Variants in LRRK2 observed in about 807,000 individuals in gnomAD.
LRRK2 encodes the protein leucine-rich repeat serine/threonine-protein kinase 2.
In LRRK2, 203 loss-of-function variants were observed where a neutral mutation model predicts 302.6. The ratio of observed to expected loss-of-function variants is 0.67; its 90% CI spans 0.60 to 0.75. LRRK2 has a LOEUF of 0.75. LRRK2 is among the 30% of genes least tolerant of loss of function. The pLI is 0.00. For synonymous variants in LRRK2, 1,066 were observed against 1,031.9 expected (o/e 1.03, Z -0.63); for missense variants, 2,830 against 2,951.0 (o/e 0.96, Z 0.95).
At chr12:40,292,895 T>C (rs1282607144) in intron 20 of LRRK2, among the ~76,000 whole-genome samples, 1 of 152,042 alleles carries the variant, frequency 6.6e-6, no homozygotes, top group African/African-American at 2.4e-5. Context: ...AAACAATTAT[T>C]GCCAGCCAAA....
In LRRK2 at chr12:40,323,170, A is replaced by G; in HGVS notation, c.5520A>G (p.Leu1840=). 1.2e-6 allele frequency: 2 copies of G among 1,613,006 alleles called. No homozygotes were observed. The highest frequency in any genetic ancestry group is 2.2e-5 in the South Asian group (2 of 91,026). Residue 1840 remains leucine (L), a synonymous_variant, in exon 38 of 51, where the codon TTA becomes TTG. Transcript: ENST00000298910. ...TTTATTACTTCTCAGGAGATCTCTT[A>G]GTAAATCCAGATCAACCAAGGCTCA... is the stretch of plus-strand genomic sequence containing the variant. The part of the protein sequence containing the change: ...LMKKAEEGDL[L]VNPDQPRLTI...
intron 29 of LRRK2, 151 bp downstream of exon 29, chr12:40,308,847 C>A: frequency 1.1e-6 from 1 of 891,786 alleles, no homozygotes. Flanking sequence ...TTTACCCTTG[C>A]CTCCAGAATG....
At chr12:40,350,421 T>C (rs1946316093) in intron 43 of LRRK2, among the ~76,000 whole-genome samples, 1 of 152,258 alleles carries the variant, frequency 6.6e-6, no homozygotes. Flanking sequence ...TCAATGTTTT[T>C]AATACATTGT....
chr12:40,294,596 C>T (rs1214053843), intron 21 of LRRK2, among the ~76,000 whole-genome samples: 3 of 151,968 alleles, frequency 2.0e-5, no homozygotes, highest in Non-Finnish European at 4.4e-5. Context: ...TTTCACTCAA[C>T]CTTTCTGTTT....
chr12:40,356,316 G>A, intron 46 of LRRK2, 129 bp downstream of exon 46: 1 of 668,666 alleles, frequency 1.5e-6, no homozygotes, highest in Admixed American at 2.9e-5. Flanking sequence ...TATTTGTATT[G>A]CTTCATAAAA....
chr12:40,243,156 G>GA lies in LRRK2; in HGVS notation c.707-382dup, dbSNP rs1048558244. 4.4e-3 allele frequency among the ~76,000 whole-genome samples: 606 copies of GA among 137,564 alleles called. 7 individuals carry two copies. Among genetic ancestry groups the GA allele is most frequent in the African/African-American group, 0.012 (468 of 37,690 alleles). 90.2% of individuals were successfully genotyped at this position (137,564 alleles called of 152,430 possible). A position where few individuals can be genotyped will look rare whatever the true frequency, so the allele number is the denominator to read the frequency against. On this transcript the variant is annotated intron_variant, in intron 6 of 50. Transcript: ENST00000298910. ...GCAATTTTCAATAAAGATGTGTCTGGAAAAAAAAAAAAGAAATAGACCCTC... is the reference window on the plus strand; with the variant it reads ...GCAATTTTCAATAAAGATGTGTCTGGAAAAAAAAAAAAAGAAATAGACCCTC...
chr12:40,274,701 C>T lies in LRRK2; in HGVS notation c.1775C>T (p.Thr592Ile), dbSNP rs771181942. ...GGTGCTATGGATTCAGTGCTTCACA[C>T]ACTGCAGATGTATCCAGATGACCAA... ...LEGAMDSVLHTLQMYPDDQEI... is the reference protein window; with the variant it reads ...LEGAMDSVLHILQMYPDDQEI... The change falls in exon 15 of 51, where the codon ACA becomes ATA. Residue 592 changes from threonine to isoleucine, a missense_variant. Around this residue, in one of 3 missense-constraint regions of LRRK2, gnomAD observed 2,121 missense variants for 2,148.0 expected, o/e 0.99. Coordinates refer to ENST00000298910, the MANE Select transcript of LRRK2 (RefSeq NM_198578.4). The T allele has an allele frequency of 1.9e-6, 3 of 1,614,076 alleles. No individual in the cohort carries two copies. The South Asian group carries it at 3.3e-5, about 18-fold the overall frequency.
At chr12:40,325,493 C>T (rs1430956567) in intron 38 of LRRK2, among the ~76,000 whole-genome samples, 1 of 152,158 alleles carries the variant, frequency 6.6e-6, no homozygotes, top group African/African-American at 2.4e-5. Context: ...GAGGGTCATC[C>T]TGTGCACTGC....
At chr12:40,232,151 TA>T (rs2136395300) in intron 2 of LRRK2, 122 bp from the exon 3 acceptor site, 1 of 761,694 alleles carries the variant, frequency 1.3e-6, no homozygotes, top group African/African-American at 1.7e-5. Flanking sequence ...TTTTGTTGTA[TA>T]ACCATTGTTT....
chr12:40,264,147 T>A (rs1173096583), intron 14 of LRRK2, among the ~76,000 whole-genome samples: 1 of 152,172 alleles, frequency 6.6e-6, no homozygotes, highest in African/African-American at 2.4e-5. Flanking sequence ...GCCAGTAACA[T>A]AAATCCACTC....
At chr12:40,249,648 T>A (rs997471445) in intron 7 of LRRK2, among the ~76,000 whole-genome samples, 178 bp from the exon 8 acceptor site, 2 of 152,186 alleles carry the variant, frequency 1.3e-5, no homozygotes, top group Non-Finnish European at 2.9e-5. Flanking sequence ...AAGGACAGCA[T>A]AAAATAAAAT....
intron 44 of LRRK2, among the ~76,000 whole-genome samples, chr12:40,354,015 G>C (rs1456007151): frequency 2.0e-5 from 3 of 152,200 alleles, no homozygotes; most frequent in Non-Finnish European, 4.4e-5. Flanking sequence ...GGGAGACGGA[G>C]AGGGAGAGGG....
intron 31 of LRRK2, chr12:40,312,856 T>A (rs188529070): frequency 1.3e-5 from 2 of 152,124 alleles, no homozygotes; most frequent in East Asian, 3.9e-4. Flanking sequence ...AATCTGAAGT[T>A]CAATTTCATC....
At chr12:40,240,707 T>C in intron 6 of LRRK2, 90 bp downstream of exon 6, 1 of 1,283,376 alleles carries the variant, frequency 7.8e-7, no homozygotes, top group Non-Finnish European at 1.1e-6. Context: ...ATTTTTATTA[T>C]TTAGAAACTT....
chr12:40,252,873 A>G, intron 10 of LRRK2, 37 bp from the exon 11 acceptor site: 1 of 1,342,426 alleles, frequency 7.4e-7, no homozygotes, highest in East Asian at 2.3e-5. Context: ...AGTTATTTAA[A>G]AGATTACTAC....
chr12:40,309,288 G>A, intron 30 of LRRK2, 55 bp downstream of exon 30: 1 of 1,557,222 alleles, frequency 6.4e-7, no homozygotes, highest in Non-Finnish European at 8.7e-7. Flanking sequence ...CTGTGTGCGT[G>A]TGTGTGTGTG....
intron 19 of LRRK2, among the ~76,000 whole-genome samples, chr12:40,285,082 G>A (rs1031734751): frequency 1.3e-5 from 2 of 151,984 alleles, no homozygotes; most frequent in Admixed American, 6.6e-5. Context: ...CAAACACTTC[G>A]TGTACCCTTA....
chr12:40,298,292 C>T lies in LRRK2; in HGVS notation c.3146C>T (p.Ser1049Leu). The stretch of plus-strand genomic sequence containing the variant: ...GACTTGCACAGTAATAAATTTACAT[C>T]ATTTCCTTCTTATTTGTTGAAAATG... The part of the protein sequence containing the change: ...HLDLHSNKFT[S>L]FPSYLLKMSC... Residue 1049 changes from serine (S) to leucine (L), a missense_variant, in exon 24 of 51, where the codon TCA becomes TTA. Around this residue, in one of 3 missense-constraint regions of LRRK2, gnomAD observed 2,121 missense variants for 2,148.0 expected, o/e 0.99. Coordinates refer to ENST00000298910, the MANE Select transcript of LRRK2 (RefSeq NM_198578.4). 6.2e-7 allele frequency: 1 copy of T among 1,613,598 alleles called. No individual in the cohort carries two copies. Among genetic ancestry groups the T allele is most frequent in the African/African-American group, 1.3e-5 (1 of 75,018 alleles).
intron 39 of LRRK2, among the ~76,000 whole-genome samples, chr12:40,329,779 G>A (rs1408936425): frequency 6.6e-6 from 1 of 152,056 alleles, no homozygotes; most frequent in Admixed American, 6.6e-5. Flanking sequence ...TCATTAGGTT[G>A]ACCAGGCTGG....
Sources: allele counts gnomAD v4.1 joint callset (sites outside exome capture counted in the v4.1 genomes callset), GRCh38; gene constraint gnomAD v4.1.1; regional missense constraint gnomAD v4.1.1; transcripts MANE v1.5; gene names NCBI Gene and HGNC (gene_info 2026-07-23, HGNC 2026-07-21).